The following RIMBP2 variants were observed in gnomAD, a reference collection of about 807,000 sequenced individuals.
RIMBP2 encodes the protein RIMS-binding protein 2.
A neutral mutation model predicts 118.6 loss-of-function variants in RIMBP2; 48 were observed. That is an observed-to-expected ratio of 0.40 (90% confidence interval 0.32 to 0.51). The LOEUF (loss-of-function observed/expected upper bound fraction) is 0.51, where lower values mean the gene tolerates loss of function less well. RIMBP2 is among the 20% of genes least tolerant of loss of function. The probability of loss-of-function intolerance (pLI) is 0.41; values close to 1 mark genes in which losing one functional copy is unlikely to be tolerated. For missense variants in RIMBP2, 1,551 were observed against 1,768.3 expected, an observed-to-expected ratio of 0.88 and a Z score of 2.20; for synonymous variants, 762 against 742.9, an observed-to-expected ratio of 1.03 and a Z score of -0.42.
rs141080486 is a variant in RIMBP2 at position 130,447,071 on chromosome 12, CGGAGGAGGAGGA to C, written c.582-1814_582-1803del. Among the ~76,000 whole-genome samples, 40 of 149,700 alleles carry C rather than the reference CGGAGGAGGAGGA, an allele frequency of 2.7e-4. No homozygotes were observed. Among genetic ancestry groups the C allele is most frequent in the South Asian group, 1.3e-3 (6 of 4,700 alleles). On this transcript the variant is annotated intron_variant, in intron 9 of 22. Coordinates refer to ENST00000690449, the MANE Select transcript of RIMBP2 (RefSeq NM_001393629.1). This position sits in a 1 kb window ranked among gnomAD's most constrained non-coding sequence, Gnocchi z 4.4. ...GACACAGAAGCTGGCAGAGTGTTCT[CGGAGGAGGAGGA>C]GGAGGAGGAGGGAGCGAGAGGAACA...
intron 2 of RIMBP2, among the ~76,000 whole-genome samples, chr12:130,627,559 A>G (rs980397115): frequency 2.0e-5 from 3 of 152,158 alleles, no homozygotes; most frequent in Non-Finnish European, 4.4e-5. Flanking sequence ...CAGTCGGGTA[A>G]CTCAAACTCA....
chr12:130,617,852 T>A lies in RIMBP2; in HGVS notation c.-217+10470A>T, dbSNP rs1246239943. On this transcript the variant is annotated intron_variant, in intron 2 of 22. Transcript: ENST00000690449. This position sits in a 1 kb window ranked among gnomAD's most constrained non-coding sequence, Gnocchi z 4.6. ...ATTGGAAAACTTTGATTGCATCAGC[T>A]GATTTTCAGATTGCCAGGTCTCTTT... 2.6e-5 allele frequency among the ~76,000 whole-genome samples: 4 copies of A among 152,102 alleles called. No homozygotes were observed. The highest frequency in any genetic ancestry group is 2.0e-4 in the Admixed American group (3 of 15,282).
At chr12:130,412,506 G>T in intron 19 of RIMBP2, 113 bp downstream of exon 19, 4 of 980,046 alleles carry the variant, frequency 4.1e-6, no homozygotes, top group South Asian at 1.7e-5. Context: ...CATGACTTTG[G>T]CATATTTAAA....
intron 4 of RIMBP2, among the ~76,000 whole-genome samples, chr12:130,483,303 G>T (rs1309368812): frequency 4.6e-5 from 7 of 152,292 alleles, no homozygotes; most frequent in South Asian, 2.1e-4. Context: ...TACGCCGATT[G>T]TGTGTGTACA....
chr12:130,401,684 T>C (rs1037084626), intron 21 of RIMBP2, among the ~76,000 whole-genome samples: 8 of 152,096 alleles, frequency 5.3e-5, no homozygotes, highest in Admixed American at 6.6e-5. Flanking sequence ...TTACTGTGCA[T>C]GTGCCCCTGG....
intron 7 of RIMBP2, among the ~76,000 whole-genome samples, chr12:130,452,543 G>C (rs529542573): frequency 3.3e-5 from 5 of 152,352 alleles, no homozygotes; most frequent in South Asian, 4.1e-4. Flanking sequence ...AAACCCAGCC[G>C]ACAGCAGAGC....
chr12:130,459,057 A>AC (rs2079728256), intron 6 of RIMBP2, among the ~76,000 whole-genome samples: 1 of 15,564 alleles, frequency 6.4e-5, no homozygotes, highest in South Asian at 0.017. Context: ...AAAAAAAAAA[A>AC]AACAAAAAAA....
At chr12:130,701,845 A>G (rs1433833273) in intron 1 of RIMBP2, among the ~76,000 whole-genome samples, 1 of 152,210 alleles carries the variant, frequency 6.6e-6, no homozygotes, top group Non-Finnish European at 1.5e-5. Context: ...AGCCGGGATC[A>G]GGGTTGCCAT....
At chr12:130,483,737 C>T (rs1384512745) in intron 4 of RIMBP2, among the ~76,000 whole-genome samples, 4 of 144,584 alleles carry the variant, frequency 2.8e-5, no homozygotes, top group Non-Finnish European at 6.1e-5. Flanking sequence ...AGCCCCCGTC[C>T]CCACCTAGAC....
intron 1 of RIMBP2, among the ~76,000 whole-genome samples, chr12:130,672,268 G>A (rs1291597938): frequency 6.6e-6 from 1 of 152,234 alleles, no homozygotes; most frequent in Non-Finnish European, 1.5e-5. Flanking sequence ...CTCTTGGCCA[G>A]GTCTGCATCT....
chr12:130,488,071 G>A (rs756050847), intron 4 of RIMBP2, among the ~76,000 whole-genome samples: 1 of 152,170 alleles, frequency 6.6e-6, no homozygotes, highest in Non-Finnish European at 1.5e-5. Context: ...TTAAAGCAAT[G>A]ATTTTGAGTG....
chr12:130,628,749 T>C (rs2061799758), intron 1 of RIMBP2, among the ~76,000 whole-genome samples: 1 of 152,164 alleles, frequency 6.6e-6, no homozygotes, highest in Non-Finnish European at 1.5e-5. Context: ...GAGTAGACCA[T>C]CAAGTTCCTG....
intron 7 of RIMBP2, among the ~76,000 whole-genome samples, chr12:130,453,541 C>T (rs987689457): frequency 6.6e-6 from 1 of 152,254 alleles, no homozygotes; most frequent in Non-Finnish European, 1.5e-5. Flanking sequence ...CAACACGATG[C>T]ACCTGGAGGA....
chr12:130,430,329 G>C (rs2077071905), intron 14 of RIMBP2: 1 of 152,230 alleles, frequency 6.6e-6, no homozygotes, highest in South Asian at 2.1e-4. Context: ...GATAGGGGAG[G>C]TGCTGAGCCC....
In RIMBP2 at chr12:130,604,441, T is replaced by C. The variant is rs184171061; in HGVS notation, c.-217+23881A>G. Among the ~76,000 whole-genome samples the C allele has an allele frequency of 5.4e-4, 81 of 149,902 alleles. 1 individual carries two copies. The East Asian group carries it at 0.013, about 24-fold the overall frequency. On this transcript the variant is annotated intron_variant, in intron 2 of 22. Transcript: ENST00000690449. ...GTCCATAAAGCCTACAGTCGTGCAG[T>C]GGAACATCCTACGCCTTCACATTCA...
chr12:130,513,889 TC>T (rs541519838), intron 3 of RIMBP2, among the ~76,000 whole-genome samples: 329 of 152,354 alleles, frequency 2.2e-3, no homozygotes, highest in African/African-American at 7.6e-3. Flanking sequence ...GAATTGCTGA[TC>T]CCCAAGTGTC....
intron 4 of RIMBP2, among the ~76,000 whole-genome samples, chr12:130,492,873 T>C (rs1446497394): frequency 6.6e-6 from 1 of 152,214 alleles, no homozygotes; most frequent in Non-Finnish European, 1.5e-5. Flanking sequence ...CTCACGCCTG[T>C]AATCCCAGCA....
intron 2 of RIMBP2, among the ~76,000 whole-genome samples, chr12:130,573,263 G>A (rs1183293781): frequency 6.6e-6 from 1 of 151,864 alleles, no homozygotes; most frequent in Non-Finnish European, 1.5e-5. Flanking sequence ...AAATAACAAA[G>A]TAAAAGACTC....
chr12:130,545,617 G>A (rs1487478192), intron 2 of RIMBP2, among the ~76,000 whole-genome samples: 1 of 152,116 alleles, frequency 6.6e-6, no homozygotes, highest in Non-Finnish European at 1.5e-5. Flanking sequence ...ATTTCTATCA[G>A]GTGCGTCCCT....
Sources: allele counts gnomAD v4.1 joint callset (sites outside exome capture counted in the v4.1 genomes callset), GRCh38; gene constraint gnomAD v4.1.1; non-coding constraint Gnocchi (gnomAD v3.1); transcripts MANE v1.5; gene names NCBI Gene and HGNC (gene_info 2026-07-23, HGNC 2026-07-21).